ZXDC: variants seen among roughly 807,000 people sequenced by gnomAD.
ZXDC encodes ZXD family zinc finger C, also known as zinc finger protein ZXDC.
Under a neutral mutation model 63.6 loss-of-function variants are expected in ZXDC, and 58 were observed. The ratio of observed to expected loss-of-function variants is 0.91; its 90% confidence interval spans 0.74 to 1.13. The LOEUF (loss-of-function observed/expected upper bound fraction) is 1.13. ZXDC is among the 50% of genes most tolerant of loss of function. The pLI is 0.00. For missense variants in ZXDC, 1,133 were observed against 1,148.9 expected (o/e 0.99, Z 0.20); for synonymous variants, 561 against 496.1 (o/e 1.13, Z -1.74).
At chr3:126,459,324 G>C in intron 7 of ZXDC, 1 of 985,436 alleles carries the variant, frequency 1.0e-6, no homozygotes, top group Non-Finnish European at 1.2e-6. Context: ...AGGCCATTCA[G>C]CACCAGGCAC....
Position 126,438,346 on chromosome 3 carries a change from C to T in ZXDC, c.*29G>A, listed in dbSNP as rs536339849. 2.8e-5 allele frequency: 44 copies of T among 1,594,312 alleles called. No individual in the cohort carries two copies. In the Admixed American group the frequency reaches 5.7e-4, roughly 21 times the overall value. On this transcript the variant is annotated 3_prime_UTR_variant, in exon 10 of 10. Coordinates refer to ENST00000389709, the MANE Select transcript of ZXDC (RefSeq NM_025112.5). ...AGGGAAGGTGTGTCCTAGACCGTGGCCTTGGGCCTGCCCAGGCCGAGGCTG... is the reference window on the plus strand; with the variant it reads ...AGGGAAGGTGTGTCCTAGACCGTGGTCTTGGGCCTGCCCAGGCCGAGGCTG...
chr3:126,465,100 T>C (rs988342540), intron 5 of ZXDC, among the ~76,000 whole-genome samples: 1 of 152,200 alleles, frequency 6.6e-6, no homozygotes, highest in Non-Finnish European at 1.5e-5. Context: ...TCTGCTGTGG[T>C]GCTGCTGGTC....
At position 126,475,856 on chromosome 3, in the gene ZXDC, G is replaced by A. The variant is rs1439767687; in HGVS notation, c.10C>T (p.Pro4Ser). The A allele has an allele frequency of 2.8e-6, 3 of 1,078,052 alleles. No individual in the cohort carries two copies. Among genetic ancestry groups the A allele is most frequent in the Non-Finnish European group, 3.4e-6 (3 of 890,636 alleles). The allele number at this position is 1,078,052 out of a possible 1,614,324, so 66.8% of individuals were successfully genotyped here. The change falls in exon 1 of 10, where the codon CCG becomes TCG. Residue 4 changes from proline to serine, a missense_variant. Coordinates refer to ENST00000389709, the MANE Select transcript of ZXDC (RefSeq NM_025112.5). The stretch of plus-strand genomic sequence containing the variant: ...GCAGTCGGGGCGGGGAGCAGCGCCG[G>A]GAGGTCCATCTTGGTCCCAGCGACG... MDL[P>S]ALLPAPTARG...
At chr3:126,457,484 C>G in intron 7 of ZXDC, 1 of 985,430 alleles carries the variant, frequency 1.0e-6, no homozygotes, top group Non-Finnish European at 1.2e-6. Flanking sequence ...AGCAGCCTCA[C>G]CCTCACGAGG....
intron 4 of ZXDC, among the ~76,000 whole-genome samples, chr3:126,467,515 G>A (rs1166128503): frequency 1.3e-5 from 2 of 152,192 alleles, no homozygotes; most frequent in African/African-American, 2.4e-5. Flanking sequence ...AGAGCCCAGC[G>A]CCTGGAGGAG....
At chr3:126,469,125 C>T (rs923711547) in intron 4 of ZXDC, among the ~76,000 whole-genome samples, 6 of 152,098 alleles carry the variant, frequency 3.9e-5, no homozygotes, top group African/African-American at 1.4e-4. Flanking sequence ...TGTCCGAGGC[C>T]CCAGACCTAC....
intron 4 of ZXDC, among the ~76,000 whole-genome samples, chr3:126,468,035 G>A (rs1032510139): frequency 2.6e-5 from 4 of 152,104 alleles, no homozygotes; most frequent in Non-Finnish European, 5.9e-5. Context: ...CTAACTGCTG[G>A]CTTTTCCAAA....
chr3:126,472,216 G>C lies in ZXDC; in HGVS notation c.997C>G (p.Pro333Ala). Residue 333 changes from proline to alanine, a missense_variant, in exon 2 of 10, where the codon CCT (proline) becomes GCT (alanine). By Grantham distance (27) the Pro-to-Ala change is conservative. Coordinates refer to ENST00000389709, the MANE Select transcript of ZXDC (RefSeq NM_025112.5). ...TTATCATACTGCTTGCTGCACCCAG[G>C]AAAGGAGCAGGAAAAGAGCTCTTGT... ...REQELFSCSFPGCSKQYDKAC... is the reference protein window; with the variant it reads ...REQELFSCSFAGCSKQYDKAC... 6.2e-7 allele frequency: 1 copy of C among 1,613,646 alleles called. No individual in the cohort carries two copies. Among genetic ancestry groups the C allele is most frequent in the Non-Finnish European group, 8.5e-7 (1 of 1,179,528 alleles).
chr3:126,440,443 T>A, intron 8 of ZXDC: 2 of 985,356 alleles, frequency 2.0e-6, no homozygotes, highest in Non-Finnish European at 2.4e-6. Context: ...CTACGCTAGC[T>A]GGTAAGGGAC....
At chr3:126,463,052 T>G (rs1286095316) in intron 5 of ZXDC, among the ~76,000 whole-genome samples, 2 of 150,180 alleles carry the variant, frequency 1.3e-5, no homozygotes, top group East Asian at 3.9e-4. Flanking sequence ...CCAGCCCTGA[T>G]GCAGCATGTA....
intron 7 of ZXDC, chr3:126,450,687 A>G (rs1258443868): frequency 2.8e-6 from 1 of 358,748 alleles, no homozygotes. Context: ...CATGGCAGCA[A>G]CAGGAAGAAA....
chr3:126,466,627 A>C (rs187751630), intron 4 of ZXDC, among the ~76,000 whole-genome samples: 53 of 152,380 alleles, frequency 3.5e-4, no homozygotes, highest in African/African-American at 1.3e-3. Flanking sequence ...TGGGAAGATT[A>C]AGTCAAATTA....
Position 126,438,125 on chromosome 3 carries a change from C to T in ZXDC, c.*250G>A. Reference sequence around the variant, plus strand: ...GGAAAGAGGCTGTAGTGCACCTAGCCCTGCTGAGGGAGACCCTTGCCTTGC... The same window carrying T: ...GGAAAGAGGCTGTAGTGCACCTAGCTCTGCTGAGGGAGACCCTTGCCTTGC... On this transcript the variant is annotated 3_prime_UTR_variant, in exon 10 of 10. Transcript: ENST00000389709. 3.6e-6 allele frequency: 2 copies of T among 554,298 alleles called. No individual in the cohort carries two copies. Among genetic ancestry groups the T allele is most frequent in the Admixed American group, 3.1e-5 (1 of 32,194 alleles). 34.3% of individuals were successfully genotyped at this position (554,298 alleles called of 1,614,324 possible). A position where few individuals can be genotyped will look rare whatever the true frequency, so the allele number is the denominator to read the frequency against.
At chr3:126,443,651 A>G (rs890437186) in intron 7 of ZXDC, among the ~76,000 whole-genome samples, 7 of 152,326 alleles carry the variant, frequency 4.6e-5, no homozygotes, top group African/African-American at 9.6e-5. Flanking sequence ...AAGCGTGCCT[A>G]TATCCTCCGT....
intron 1 of ZXDC, among the ~76,000 whole-genome samples, chr3:126,474,062 CTTTTTTTT>C (rs796761643): frequency 7.7e-6 from 1 of 129,912 alleles, no homozygotes; most frequent in African/African-American, 3.1e-5. Context: ...AGGCAGTGGA[CTTTTTTTT>C]TTTTTTTTTT....
rs575008567 is a variant in ZXDC, at chr3:126,459,727, C to T, written c.2138G>A (p.Gly713Asp). The T allele has an allele frequency of 3.1e-6, 5 of 1,614,142 alleles. No homozygotes were observed. The highest frequency in any genetic ancestry group is 1.1e-5 in the South Asian group (1 of 91,082). The change falls in exon 7 of 10, where the codon GGC becomes GAC. Residue 713 changes from glycine (G) to aspartate (D), a missense_variant. Coordinates refer to ENST00000389709, the MANE Select transcript of ZXDC (RefSeq NM_025112.5). ...GTGNFYLESG[G>D]SARTDYRAIQ... is the part of the protein sequence containing the mutation. ...GGCTCGGTAATCAGTTCTTGCTGAG[C>T]CCCCACTTTCCTGAGACCAAAGAAA...
At position 126,441,962 on chromosome 3, in the gene ZXDC, A is replaced by AC; in HGVS notation, c.2213-17_2213-16insG. On this transcript the variant is annotated splice_polypyrimidine_tract_variant and intron_variant, in intron 7 of 9. Transcript: ENST00000389709. ...TGTGAGGCTCCTAAAATGAAATATA[A>AC]AAACGAGCACACCCAATCTACAATC... The AC allele has an allele frequency of 6.3e-7, 1 of 1,578,582 alleles. No homozygotes were observed. Among genetic ancestry groups the AC allele is most frequent in the South Asian group, 1.2e-5 (1 of 85,402 alleles).
intron 7 of ZXDC, chr3:126,451,485 A>T (rs1489300014): frequency 8.1e-6 from 8 of 985,312 alleles, no homozygotes; most frequent in Non-Finnish European, 9.6e-6. Flanking sequence ...GTAAGACTGA[A>T]TATTATGCAT....
intron 6 of ZXDC, chr3:126,460,333 G>C (rs945869542): frequency 1.9e-6 from 1 of 519,662 alleles, no homozygotes; most frequent in African/African-American, 2.1e-5. Context: ...AACACTTATC[G>C]CTATGAAGAG....
Sources: allele counts gnomAD v4.1 joint callset (sites outside exome capture counted in the v4.1 genomes callset), GRCh38; gene constraint gnomAD v4.1.1; transcripts MANE v1.5; gene names NCBI Gene and HGNC (gene_info 2026-07-23, HGNC 2026-07-21).